MEGF11: variants seen among roughly 807,000 people sequenced by gnomAD.
MEGF11 encodes the protein multiple epidermal growth factor-like domains protein 11.
A neutral mutation model predicts 146.6 loss-of-function variants in MEGF11; 126 were observed. The observed-to-expected ratio is 0.86, with a 90% confidence interval of 0.74 to 1.00. The LOEUF (loss-of-function observed/expected upper bound fraction) is 1.00, where lower values mean the gene tolerates loss of function less well. MEGF11 is among the 50% of genes least tolerant of loss of function. The probability of loss-of-function intolerance (pLI) is 0.00; values close to 1 mark genes in which losing one functional copy is unlikely to be tolerated. For synonymous variants in MEGF11, 532 were observed against 583.4 expected (o/e 0.91, Z 1.27); for missense variants, 1,509 against 1,521.2 (o/e 0.99, Z 0.13).
chr15:65,985,320 T>A (rs960694715), intron 5 of MEGF11, among the ~76,000 whole-genome samples: 1 of 151,652 alleles, frequency 6.6e-6, no homozygotes, highest in African/African-American at 2.4e-5. Context: ...GTCCAAGGAG[T>A]GAAGTTTAGA....
At chr15:65,980,595 C>T (rs1043618403) in intron 7 of MEGF11, among the ~76,000 whole-genome samples, 183 bp downstream of exon 7, 3 of 152,040 alleles carry the variant, frequency 2.0e-5, no homozygotes, top group Non-Finnish European at 2.9e-5. Context: ...GATGGGGTTT[C>T]GCCATGTTGG....
intron 8 of MEGF11, chr15:65,966,946 T>C (rs1308934106): frequency 2.6e-5 from 4 of 151,250 alleles, no homozygotes; most frequent in Non-Finnish European, 4.4e-5. Context: ...CCTGGAGGAA[T>C]AGGGGTAAAA....
chr15:66,081,258 T>A (rs747501844), intron 5 of MEGF11, among the ~76,000 whole-genome samples: 1 of 152,176 alleles, frequency 6.6e-6, no homozygotes, highest in East Asian at 1.9e-4. Context: ...ACATCCTCCA[T>A]CAGGGGGCAG....
At chr15:66,117,904 T>C (rs192186545) in intron 4 of MEGF11, among the ~76,000 whole-genome samples, 6 of 152,294 alleles carry the variant, frequency 3.9e-5, no homozygotes, top group Admixed American at 2.0e-4. Context: ...ACATTTTTCA[T>C]TCATTCTTGT....
intron 1 of MEGF11, among the ~76,000 whole-genome samples, chr15:66,218,564 G>A (rs901602363): frequency 6.6e-6 from 1 of 152,136 alleles, no homozygotes; most frequent in Non-Finnish European, 1.5e-5. Context: ...AGGCACTGGA[G>A]CGGGGATGAA....
At chr15:66,050,035 A>T (rs1320582412) in intron 5 of MEGF11, among the ~76,000 whole-genome samples, 1 of 152,224 alleles carries the variant, frequency 6.6e-6, no homozygotes, top group Non-Finnish European at 1.5e-5. Flanking sequence ...CTCTGCTCTC[A>T]TGGAACCTAC....
At chr15:65,942,706 A>G (rs2080043016) in intron 10 of MEGF11, among the ~76,000 whole-genome samples, 1 of 152,042 alleles carries the variant, frequency 6.6e-6, no homozygotes, top group Non-Finnish European at 1.5e-5. Flanking sequence ...CCTGGCGCTG[A>G]GCCCTGTCCA....
chr15:66,099,207 T>TTTC (rs1189934136), intron 4 of MEGF11, among the ~76,000 whole-genome samples: 147 of 142,734 alleles, frequency 1.0e-3, no homozygotes, highest in East Asian at 3.7e-3. Context: ...CCTTTTTCTT[T>TTTC]TTTTTTTTTT....
rs1404948113 is a variant in MEGF11 at position 66,030,034 on chromosome 15, C to T, written c.395-47546G>A. On this transcript the variant is annotated intron_variant, in intron 5 of 25. Coordinates refer to ENST00000395614, the MANE Select transcript of MEGF11 (RefSeq NM_001385028.1). ...CTTTCTCCAACCAATGTTATCTCAG[C>T]GCTAAGCGGGATCATAATTCTGCCC... 3.3e-5 allele frequency among the ~76,000 whole-genome samples: 5 copies of T among 152,344 alleles called. No homozygotes were observed. The South Asian group carries it at 8.3e-4, about 25-fold the overall frequency.
At chr15:66,015,362 C>T (rs566061912) in intron 5 of MEGF11, among the ~76,000 whole-genome samples, 2 of 152,178 alleles carry the variant, frequency 1.3e-5, no homozygotes, top group Non-Finnish European at 2.9e-5. Context: ...CCAGATTCTG[C>T]CACTTACTAA....
chr15:66,151,527 C>A (rs2089571801), intron 1 of MEGF11, among the ~76,000 whole-genome samples: 1 of 152,172 alleles, frequency 6.6e-6, no homozygotes, highest in Admixed American at 6.5e-5. Context: ...CTCACCACAC[C>A]AGACAATCCC....
At chr15:66,129,173 T>TC (rs1243683893) in intron 1 of MEGF11, among the ~76,000 whole-genome samples, 2 of 152,116 alleles carry the variant, frequency 1.3e-5, no homozygotes, top group African/African-American at 4.8e-5. Context: ...TAAATTGGGG[T>TC]CCCCAACAAG....
At chr15:65,958,682 T>A (rs1205133017) in intron 9 of MEGF11, among the ~76,000 whole-genome samples, 1 of 152,212 alleles carries the variant, frequency 6.6e-6, no homozygotes, top group Non-Finnish European at 1.5e-5. Context: ...AACCGTGCTG[T>A]GGGTTAAGAC....
At chr15:65,916,557 A>G (rs1386268750) in intron 17 of MEGF11, 6 of 672,244 alleles carry the variant, frequency 8.9e-6, no homozygotes, top group East Asian at 2.8e-5. Flanking sequence ...TCTGGGCCCC[A>G]CTGTCCAAGG....
intron 1 of MEGF11, among the ~76,000 whole-genome samples, chr15:66,230,466 G>C (rs2091946982): frequency 6.6e-6 from 1 of 152,190 alleles, no homozygotes; most frequent in Non-Finnish European, 1.5e-5. Context: ...GATGTGACTA[G>C]AGACAGTAAT....
In MEGF11 at chr15:65,982,210, C is replaced by A; in HGVS notation, c.641+32G>T. The A allele has an allele frequency of 1.5e-6, 2 of 1,321,496 alleles. No homozygotes were observed. Among genetic ancestry groups the A allele is most frequent in the South Asian group, 1.2e-5 (1 of 80,630 alleles). The allele number at this position is 1,321,496 out of a possible 1,614,324, so 81.9% of individuals were successfully genotyped here. ...CCCTCCAGGTCCCGCCCCTCCAGGT[C>A]CCGCCCCTCCAGGTCCTGCCGCATG... On this transcript the variant is annotated intron_variant, in intron 6 of 25. Transcript: ENST00000395614. This position sits in a 1 kb window ranked among gnomAD's most constrained non-coding sequence, Gnocchi z 5.6.
At chr15:66,207,812 G>T (rs946504405) in intron 1 of MEGF11, among the ~76,000 whole-genome samples, 1 of 152,218 alleles carries the variant, frequency 6.6e-6, no homozygotes, top group African/African-American at 2.4e-5. Flanking sequence ...GCCGGGAATG[G>T]TGGCTCACGC....
intron 1 of MEGF11, among the ~76,000 whole-genome samples, chr15:66,147,806 CA>C (rs2089430090): frequency 6.6e-6 from 1 of 152,214 alleles, no homozygotes; most frequent in Admixed American, 6.5e-5. Context: ...GGCAGCCATT[CA>C]AAGGTTTTAA....
chr15:66,221,621 T>A (rs543513701), intron 1 of MEGF11, among the ~76,000 whole-genome samples: 1 of 151,948 alleles, frequency 6.6e-6, no homozygotes, highest in African/African-American at 2.4e-5. Context: ...CTCTCTTTAT[T>A]TGAGTATATG....
Sources: gnomAD v4.1 joint callset for allele counts (sites outside exome capture counted in the v4.1 genomes callset) on GRCh38, gnomAD v4.1.1 for gene constraint, Gnocchi (gnomAD v3.1) non-coding constraint, MANE v1.5 for transcripts, NCBI Gene and HGNC (gene_info 2026-07-23, HGNC 2026-07-21) for gene names.